DCC: variants seen among roughly 807,000 people sequenced by gnomAD.
DCC encodes the protein netrin receptor DCC.
DCC carries 58 observed loss-of-function variants against 172.5 expected under a neutral mutation model. The observed-to-expected ratio is 0.34, with a 90% CI of 0.27 to 0.42. The LOEUF (loss-of-function observed/expected upper bound fraction) is 0.42. Ranked by LOEUF, DCC falls within the 10% of genes least tolerant of loss-of-function variation. The probability of loss-of-function intolerance (pLI) is 1.00; values close to 1 mark genes in which losing one functional copy is unlikely to be tolerated. For synonymous variants in DCC, 709 were observed against 644.5 expected (o/e 1.10, Z -1.52); for missense variants, 1,740 against 1,791.0 (o/e 0.97, Z 0.51).
intron 12 of DCC, among the ~76,000 whole-genome samples, chr18:53,303,301 C>T (rs2057161512): frequency 6.6e-6 from 1 of 151,892 alleles, no homozygotes; most frequent in African/African-American, 2.4e-5. Context: ...GTGTTTTTAT[C>T]CTGTTGATGG....
chr18:52,565,664 C>T (rs1279050150), intron 1 of DCC, among the ~76,000 whole-genome samples: 1 of 152,084 alleles, frequency 6.6e-6, no homozygotes, highest in Admixed American at 6.6e-5. Context: ...TCTTCATATC[C>T]TTTGACCACT....
At chr18:53,516,638 C>G (rs148793113) in intron 27 of DCC, among the ~76,000 whole-genome samples, 15,384 of 150,138 alleles carry the variant, frequency 0.1, 2,610 homozygotes, top group African/African-American at 0.33. Context: ...GTGGGCAAAG[C>G]ACATGAACAG....
chr18:52,972,798 T>A (rs2041051136), intron 5 of DCC, among the ~76,000 whole-genome samples: 1 of 152,194 alleles, frequency 6.6e-6, no homozygotes, highest in Admixed American at 6.5e-5. Flanking sequence ...AGACATACTA[T>A]TTATTTGGTG....
At chr18:52,401,550 C>T (rs1292653413) in intron 1 of DCC, among the ~76,000 whole-genome samples, 2 of 152,008 alleles carry the variant, frequency 1.3e-5, no homozygotes, top group Non-Finnish European at 2.9e-5. Context: ...ACTCAGTCTA[C>T]AGCTACATGT....
chr18:52,866,271 A>G (rs906897399), intron 2 of DCC, among the ~76,000 whole-genome samples: 6 of 152,216 alleles, frequency 3.9e-5, no homozygotes, highest in African/African-American at 1.4e-4. Flanking sequence ...TGGTATCAGT[A>G]CCATGCTGTT....
At chr18:53,384,551 T>C (rs1907997337) in intron 15 of DCC, among the ~76,000 whole-genome samples, 1 of 152,076 alleles carries the variant, frequency 6.6e-6, no homozygotes, top group Non-Finnish European at 1.5e-5. Context: ...ATGTTTTTGC[T>C]TTTGACTTGT....
chr18:52,418,786 G>A (rs1216148136), intron 1 of DCC, among the ~76,000 whole-genome samples: 2 of 151,498 alleles, frequency 1.3e-5, no homozygotes, highest in African/African-American at 2.4e-5. Context: ...AATGTTGTAT[G>A]TAGTAATCCT....
intron 1 of DCC, among the ~76,000 whole-genome samples, chr18:52,717,861 C>G (rs1568061147): frequency 6.6e-6 from 1 of 152,148 alleles, no homozygotes; most frequent in Non-Finnish European, 1.5e-5. Flanking sequence ...AATTCAAAAA[C>G]AGGCAGAACT....
chr18:53,213,038 A>G (rs2055782728), intron 11 of DCC, among the ~76,000 whole-genome samples: 1 of 152,162 alleles, frequency 6.6e-6, no homozygotes, highest in Non-Finnish European at 1.5e-5. Flanking sequence ...TACAGAAAAA[A>G]GAACACATAT....
chr18:53,199,125 G>A (rs971180193), intron 9 of DCC, among the ~76,000 whole-genome samples: 3 of 150,240 alleles, frequency 2.0e-5, no homozygotes, highest in African/African-American at 7.4e-5. Flanking sequence ...ACCCAGGCTG[G>A]AGTGCAGCGG....
Position 53,069,562 on chromosome 18 carries a change from T to G in DCC, c.1261+3396T>G, listed in dbSNP as rs931429323. On this transcript the variant is annotated intron_variant, in intron 7 of 28. Coordinates refer to ENST00000442544, the MANE Select transcript of DCC (RefSeq NM_005215.4). ...TTTGCCAACTCCAGCAGGGGTCCAGTGACTGCATTTCTAAGGTGGGGATTT... is the reference window on the plus strand; with the variant it reads ...TTTGCCAACTCCAGCAGGGGTCCAGGGACTGCATTTCTAAGGTGGGGATTT... Among the ~76,000 whole-genome samples, 13 of 150,348 alleles carry G rather than the reference T, an allele frequency of 8.6e-5. No individual in the cohort carries two copies. In the Admixed American group the frequency reaches 8.7e-4, roughly 10 times the overall value.
At chr18:53,270,346 C>G (rs563926778) in intron 12 of DCC, among the ~76,000 whole-genome samples, 4 of 152,050 alleles carry the variant, frequency 2.6e-5, no homozygotes, top group Admixed American at 2.6e-4. Context: ...AATTCCTAGT[C>G]AATTTTTGTT....
rs115512682 is a variant in DCC at position 52,587,961 on chromosome 18, G to A, written c.92-164093G>A. The stretch of plus-strand genomic sequence containing the variant: ...GTGTCTTCAGGAACTGCTCGAACCC[G>A]ATTATGTATATACTACATCCATTTG... On this transcript the variant is annotated intron_variant, in intron 1 of 28. Transcript: ENST00000442544. Among the ~76,000 whole-genome samples, 564 of 152,266 alleles carry A rather than the reference G, an allele frequency of 3.7e-3. 6 individuals carry two copies. The highest frequency in any genetic ancestry group is 0.013 in the African/African-American group (531 of 41,542).
chr18:52,456,055 G>A lies in DCC; in HGVS notation c.91+115177G>A, dbSNP rs183441315. 5.9e-5 allele frequency among the ~76,000 whole-genome samples: 9 copies of A among 152,274 alleles called. No homozygotes were observed. In the East Asian group the frequency reaches 1.7e-3, roughly 29 times the overall value. On this transcript the variant is annotated intron_variant, in intron 1 of 28. Coordinates refer to ENST00000442544, the MANE Select transcript of DCC (RefSeq NM_005215.4). Reference sequence around the variant, plus strand: ...GTGCTCTAAGCCAGAATATCCTGTAGCATGTGCTGCATCGTATCAAGGTAT... The same window carrying A: ...GTGCTCTAAGCCAGAATATCCTGTAACATGTGCTGCATCGTATCAAGGTAT...
At chr18:52,370,522 A>G (rs1266329597) in intron 1 of DCC, among the ~76,000 whole-genome samples, 1 of 152,126 alleles carries the variant, frequency 6.6e-6, no homozygotes, top group South Asian at 2.1e-4. Context: ...ATGAGAACAC[A>G]TGGACACATT....
At chr18:53,421,875 C>A (rs546861990) in intron 21 of DCC, among the ~76,000 whole-genome samples, 8 of 152,322 alleles carry the variant, frequency 5.3e-5, no homozygotes, top group Admixed American at 4.6e-4. Flanking sequence ...GGCTTTTCCA[C>A]TATGTGTCAA....
chr18:52,972,191 T>C (rs2041040742), intron 5 of DCC, among the ~76,000 whole-genome samples: 2 of 152,224 alleles, frequency 1.3e-5, no homozygotes, highest in African/African-American at 4.8e-5. Context: ...TATTTATATT[T>C]CCTTCAAATT....
At chr18:52,533,569 G>T (rs566094462) in intron 1 of DCC, among the ~76,000 whole-genome samples, 1 of 152,044 alleles carries the variant, frequency 6.6e-6, no homozygotes, top group South Asian at 2.1e-4. Context: ...ACATGTATCA[G>T]TAGTTCAGTC....
At chr18:53,506,602 A>G (rs901442073) in intron 27 of DCC, among the ~76,000 whole-genome samples, 1 of 152,168 alleles carries the variant, frequency 6.6e-6, no homozygotes, top group Non-Finnish European at 1.5e-5. Flanking sequence ...TCACACCCGT[A>G]ATCCTAGCAC....
Sources: gnomAD v4.1 joint callset for allele counts (sites outside exome capture counted in the v4.1 genomes callset) on GRCh38, gnomAD v4.1.1 for gene constraint, MANE v1.5 for transcripts, NCBI Gene and HGNC (gene_info 2026-07-23, HGNC 2026-07-21) for gene names.